DNER: variants seen among roughly 807,000 people sequenced by gnomAD.
DNER encodes delta/notch like EGF repeat containing.
Under a neutral mutation model 78.2 loss-of-function variants are expected in DNER, and 33 were observed. The observed-to-expected ratio is 0.42, with a 90% CI of 0.32 to 0.56. The LOEUF (loss-of-function observed/expected upper bound fraction) is 0.56, where lower values mean the gene tolerates loss of function less well. Ranked by LOEUF, DNER falls within the 20% of genes least tolerant of loss-of-function variation. DNER has a pLI of 0.11. For missense variants in DNER, 918 were observed against 975.3 expected (o/e 0.94, Z 0.78); for synonymous variants, 417 against 384.8 (o/e 1.08, Z -0.98).
chr2:229,579,929 C>A (rs1697364872), intron 4 of DNER, among the ~76,000 whole-genome samples: 1 of 152,014 alleles, frequency 6.6e-6, no homozygotes, highest in Admixed American at 6.5e-5. Flanking sequence ...TGTGAAGGGC[C>A]AGAGCACCAG....
chr2:229,366,966 T>C lies in DNER; in HGVS notation c.2009A>G (p.Gln670Arg). 1.2e-6 allele frequency: 2 copies of C among 1,614,116 alleles called. No individual in the cohort carries two copies. Among genetic ancestry groups the C allele is most frequent in the Non-Finnish European group, 1.7e-6 (2 of 1,180,014 alleles). ...GICRISRIEY[Q>R]GSSRPAYEEF... ...CTCATAGGCTGGCCTGGAAGAACCC[T>C]GGTATTCAATGCGGCTGATGCGGCA... is the stretch of plus-strand genomic sequence containing the variant. The change falls in exon 12 of 13, where the codon CAG becomes CGG. Residue 670 changes from glutamine (Q) to arginine (R), a missense_variant. Transcript: ENST00000341772.
At chr2:229,395,340 A>T (rs1693112163) in intron 10 of DNER, among the ~76,000 whole-genome samples, 1 of 152,212 alleles carries the variant, frequency 6.6e-6, no homozygotes, top group South Asian at 2.1e-4. Context: ...AACATGCCCT[A>T]CTATGGGATA....
intron 10 of DNER, among the ~76,000 whole-genome samples, chr2:229,394,882 A>G (rs1246664894): frequency 6.6e-6 from 1 of 152,238 alleles, no homozygotes; most frequent in East Asian, 1.9e-4. Context: ...AAAACTTCTC[A>G]GTCAAATGAA....
At chr2:229,398,363 T>A (rs1693195187) in intron 10 of DNER, among the ~76,000 whole-genome samples, 1 of 152,056 alleles carries the variant, frequency 6.6e-6, no homozygotes, top group South Asian at 2.1e-4. Context: ...ACTTTAAAAC[T>A]CCCCAAAAAG....
intron 1 of DNER, among the ~76,000 whole-genome samples, chr2:229,592,830 G>A (rs1371979912): frequency 6.6e-6 from 1 of 152,184 alleles, no homozygotes; most frequent in Non-Finnish European, 1.5e-5. Flanking sequence ...TGGCTTCTCA[G>A]GGCTGACTAC....
At chr2:229,386,306 A>G (rs1440930999) in intron 11 of DNER, among the ~76,000 whole-genome samples, 3 of 152,230 alleles carry the variant, frequency 2.0e-5, no homozygotes, top group Admixed American at 6.5e-5. Context: ...CTTACACCTT[A>G]TACAAAAACT....
intron 1 of DNER, among the ~76,000 whole-genome samples, chr2:229,685,619 G>C (rs1308653317): frequency 6.6e-6 from 1 of 152,156 alleles, no homozygotes; most frequent in Non-Finnish European, 1.5e-5. Context: ...TCAGCAAATG[G>C]CATGCATCCT....
chr2:229,690,279 G>C (rs1699547986), intron 1 of DNER, among the ~76,000 whole-genome samples: 1 of 152,266 alleles, frequency 6.6e-6, no homozygotes, highest in Non-Finnish European at 1.5e-5. Flanking sequence ...ATGGAGAGAG[G>C]CAGACTGTTT....
At chr2:229,422,440 C>T (rs1424014253) in intron 8 of DNER, among the ~76,000 whole-genome samples, 1 of 152,218 alleles carries the variant, frequency 6.6e-6, no homozygotes, top group Non-Finnish European at 1.5e-5. Context: ...CCCGAATAAT[C>T]AGTTCCCCTT....
chr2:229,431,270 A>T (rs1338475638), intron 8 of DNER, among the ~76,000 whole-genome samples: 1 of 152,208 alleles, frequency 6.6e-6, no homozygotes, highest in Non-Finnish European at 1.5e-5. Context: ...ACGACAGCTC[A>T]CTTGTGACTG....
intron 4 of DNER, among the ~76,000 whole-genome samples, chr2:229,562,951 C>T (rs1231767106): frequency 6.7e-6 from 1 of 149,340 alleles, no homozygotes; most frequent in Non-Finnish European, 1.5e-5. Flanking sequence ...ACATCATCAT[C>T]CCACCACCAT....
intron 1 of DNER, among the ~76,000 whole-genome samples, chr2:229,700,583 C>T (rs1320181682): frequency 6.6e-6 from 1 of 152,022 alleles, no homozygotes; most frequent in African/African-American, 2.4e-5. Context: ...CAATGGCATA[C>T]TAGTCAACCA....
chr2:229,512,791 C>A lies in DNER; in HGVS notation c.1139G>T (p.Cys380Phe). 6.2e-7 allele frequency: 1 copy of A among 1,614,120 alleles called. No homozygotes were observed. The highest frequency in any genetic ancestry group is 8.5e-7 in the Non-Finnish European group (1 of 1,179,968). ...KQDGSNFTCV[C>F]LPGYTGELCQ... The stretch of plus-strand genomic sequence containing the variant: ...ATGAGTATGTGTCGTACCAGGAAGG[C>A]AAACACAGGTGAAATTGCTCCCATC... Residue 380 changes from cysteine to phenylalanine, a missense_variant, in exon 6 of 13, where the codon TGC (cysteine) becomes TTC (phenylalanine). Physicochemically the swap from Cys to Phe is radical, Grantham distance 205. Transcript: ENST00000341772.
chr2:229,684,301 G>A (rs1254419784), intron 1 of DNER, among the ~76,000 whole-genome samples: 2 of 151,568 alleles, frequency 1.3e-5, no homozygotes, highest in African/African-American at 4.8e-5. Context: ...TGAAATTGAT[G>A]ATAGGAGGAG....
chr2:229,640,346 T>G (rs906855512), intron 1 of DNER, among the ~76,000 whole-genome samples: 2 of 152,202 alleles, frequency 1.3e-5, no homozygotes, highest in Non-Finnish European at 2.9e-5. Context: ...AAAGGATTAG[T>G]ATAGAAATGT....
rs529029211 is a variant in DNER at position 229,502,424 on chromosome 2, G to A, written c.1147+10359C>T. On this transcript the variant is annotated intron_variant, in intron 6 of 12. Coordinates refer to ENST00000341772, the MANE Select transcript of DNER (RefSeq NM_139072.4). ...TCCTTGGGCACATAATGCCAAAACT[G>A]TACTGCTTGTCAATAAGAGAGACAG... is the stretch of plus-strand genomic sequence containing the variant. Among the ~76,000 whole-genome samples, 3 of 113,210 alleles carry A rather than the reference G, an allele frequency of 2.6e-5. No homozygotes were observed. In the East Asian group the frequency reaches 7.1e-4, roughly 27 times the overall value. The allele number at this position is 113,210 out of a possible 152,430, so 74.3% of individuals were successfully genotyped here. A position where few individuals can be genotyped will look rare whatever the true frequency, so the allele number is the denominator to read the frequency against.
chr2:229,362,069 T>A (rs999504861), intron 12 of DNER, among the ~76,000 whole-genome samples: 4 of 151,900 alleles, frequency 2.6e-5, no homozygotes, highest in Non-Finnish European at 4.4e-5. Context: ...GTTGACACAC[T>A]CCCCCTCCTC....
At chr2:229,626,474 C>T (rs1335910349) in intron 1 of DNER, among the ~76,000 whole-genome samples, 1 of 152,184 alleles carries the variant, frequency 6.6e-6, no homozygotes, top group African/African-American at 2.4e-5. Flanking sequence ...GCTTATACAA[C>T]CATTATTCAA....
At chr2:229,519,158 A>G (rs1263932401) in intron 5 of DNER, among the ~76,000 whole-genome samples, 2 of 152,094 alleles carry the variant, frequency 1.3e-5, no homozygotes, top group African/African-American at 2.4e-5. Flanking sequence ...AGAGCCAAAT[A>G]TCATGAATAA....
Sources: allele counts gnomAD v4.1 joint callset (sites outside exome capture counted in the v4.1 genomes callset), GRCh38; gene constraint gnomAD v4.1.1; transcripts MANE v1.5; gene names NCBI Gene and HGNC (gene_info 2026-07-23, HGNC 2026-07-21).